Variants in DDX3X observed in about 807,000 individuals in gnomAD.
DDX3X encodes the protein ATP-dependent RNA helicase DDX3X.
Under a neutral mutation model 52.7 loss-of-function variants are expected in DDX3X, and 4 were observed. The observed-to-expected ratio is 0.08, with a 90% CI of 0.04 to 0.17. The LOEUF (loss-of-function observed/expected upper bound fraction) is 0.17. Ranked by LOEUF, DDX3X falls within the 10% of genes least tolerant of loss-of-function variation. DDX3X has a pLI of 1.00. For missense variants in DDX3X, 222 were observed against 548.6 expected (o/e 0.40, Z 5.95); for synonymous variants, 192 against 178.1 (o/e 1.08, Z -0.62).
At chrX:41,334,380 G>A in intron 1 of DDX3X, 83 bp downstream of exon 1, 1 of 1,157,870 alleles carries the variant, frequency 8.6e-7, no homozygotes, top group Non-Finnish European at 1.2e-6. Context: ...AGCGCTAACC[G>A]GCACCCTTAC....
intron 10 of DDX3X, among the ~76,000 whole-genome samples, chrX:41,344,937 A>T (rs1478332780): frequency 1.8e-5 from 2 of 111,907 alleles, no homozygotes; most frequent in Non-Finnish European, 3.8e-5. Context: ...AACAATGATC[A>T]GCTCGTGGGA....
rs777522116 is a variant in DDX3X, at chrX:41,342,787, A to G, written c.494A>G (p.Asp165Gly). 1 of 1,211,786 alleles carries G rather than the reference A, an allele frequency of 8.3e-7. No homozygotes were observed. The highest frequency in any genetic ancestry group is 2.2e-5 in the Admixed American group (1 of 46,046). The change falls in exon 6 of 17, where the codon GAC becomes GGC. Residue 165 changes from aspartate to glycine, a missense_variant. Physicochemically the swap from Asp to Gly is moderately conservative, Grantham distance 94 (BLOSUM62 -1). This residue lies in a region of DDX3X where 73 missense variants were observed against 301.4 expected (regional missense o/e 0.24). Coordinates refer to ENST00000644876, the MANE Select transcript of DDX3X (RefSeq NM_001356.5). The part of the protein sequence containing the change: ...NTGINFEKYD[D>G]IPVEATGNNC... ...GGGATTAATTTTGAGAAATACGATG[A>G]CATTCCAGTTGAGGCAACAGGCAAC... is the stretch of plus-strand genomic sequence containing the variant.
At position 41,334,869 on chromosome X, in the gene DDX3X, C is replaced by T. The variant is rs2063739116; in HGVS notation, c.45+572C>T. ...GCTGGGCGGCGCTGTGGCTCACCTCCGGGAGACGGCGGGTCTCGGGCGGGC... is the reference window on the plus strand; with the variant it reads ...GCTGGGCGGCGCTGTGGCTCACCTCTGGGAGACGGCGGGTCTCGGGCGGGC... On this transcript the variant is annotated intron_variant, in intron 1 of 16. Transcript: ENST00000644876. 11 of 550,724 alleles carry T rather than the reference C, an allele frequency of 2.0e-5. No homozygotes were observed. In the South Asian group the frequency reaches 3.8e-4, roughly 19 times the overall value. 45.4% of individuals were successfully genotyped at this position (550,724 alleles called of 1,213,427 possible). A position where few individuals can be genotyped will look rare whatever the true frequency, so the allele number is the denominator to read the frequency against.
chrX:41,359,407 C>A (rs958724881), intron 5 of DDX3X, among the ~76,000 whole-genome samples: 1 of 109,154 alleles, frequency 9.2e-6, no homozygotes, highest in Non-Finnish European at 1.9e-5. Context: ...TTGAGACCAG[C>A]CTGGCCAACA....
chrX:41,346,493 G>A lies in DDX3X; in HGVS notation c.1498-12G>A, dbSNP rs1265124574. 5 of 1,201,774 alleles carry A rather than the reference G, an allele frequency of 4.2e-6. No individual in the cohort carries two copies. In the South Asian group the frequency reaches 9.0e-5, roughly 22 times the overall value. On this transcript the variant is annotated splice_polypyrimidine_tract_variant and intron_variant, in intron 13 of 16. Transcript: ENST00000644876. ...TTTAAGTGGGCCATATCTCATAAAA[G>A]TTATTTTCCAGGTAGCAGCAAGAGG...
At chrX:41,341,386 T>C in intron 3 of DDX3X, 98 bp from the exon 4 acceptor site, 1 of 681,546 alleles carries the variant, frequency 1.5e-6, no homozygotes, top group Non-Finnish European at 2.2e-6. Flanking sequence ...GTAGGGATAG[T>C]CAGTGGAGGC....
chrX:41,363,481 T>C (rs1321770514), intron 5 of DDX3X, among the ~76,000 whole-genome samples: 1 of 107,658 alleles, frequency 9.3e-6, no homozygotes, highest in Non-Finnish European at 1.9e-5. Flanking sequence ...AATAGTTGAC[T>C]GTCACAAAAA....
chrX:41,351,858 A>G (rs771370717), downstream of DDX3X, among the ~76,000 whole-genome samples: 1 of 109,749 alleles, frequency 9.1e-6, no homozygotes, highest in East Asian at 2.8e-4. Context: ...CTTTTTTTTG[A>G]CAAAGCACTG....
downstream of DDX3X, among the ~76,000 whole-genome samples, chrX:41,353,805 T>TACACACACAC (rs751213463): frequency 7.9e-5 from 8 of 101,607 alleles, no homozygotes; most frequent in African/African-American, 2.9e-4. Context: ...TACACACGCA[T>TACACACACAC]ACACACACAC....
Position 41,348,532 on chromosome X carries a change from A to G in DDX3X, c.*813A>G, listed in dbSNP as rs1423294486. On this transcript the variant is annotated 3_prime_UTR_variant, in exon 17 of 17. Coordinates refer to ENST00000644876, the MANE Select transcript of DDX3X (RefSeq NM_001356.5). ...TAGCCAAATGTGGGCATACTATTAC[A>G]GGGAAAGTTTAAAGGTCTGATAACT... The G allele has an allele frequency of 1.8e-5, 2 of 112,690 alleles. No homozygotes were observed. Among genetic ancestry groups the G allele is most frequent in the East Asian group, 5.5e-4 (2 of 3,630 alleles). 9.3% of individuals were successfully genotyped at this position (112,690 alleles called of 1,213,427 possible).
chrX:41,337,494 A>C (rs373453343), intron 2 of DDX3X, 29 bp downstream of exon 2: 17 of 1,133,706 alleles, frequency 1.5e-5, no homozygotes, highest in Non-Finnish European at 2.0e-5. Context: ...GGGTTTATTG[A>C]ATATTAGAGC....
intron 2 of DDX3X, 39 bp downstream of exon 2, chrX:41,337,504 C>G: frequency 9.3e-7 from 1 of 1,069,596 alleles, no homozygotes; most frequent in Non-Finnish European, 1.3e-6. Flanking sequence ...AATATTAGAG[C>G]TTAACATCTT....
chrX:41,334,161 C>T (rs1047248043), upstream of DDX3X: 44 of 979,605 alleles, frequency 4.5e-5, no homozygotes, highest in Non-Finnish European at 5.3e-5. Flanking sequence ...CGGTGCGCTC[C>T]AGAGCCGCAG....
rs756197314 is a variant in DDX3X, at chrX:41,347,394, G to T, written c.1852G>T (p.Ala618Ser). 8.3e-7 allele frequency: 1 copy of T among 1,211,339 alleles called. No homozygotes were observed. Among genetic ancestry groups the T allele is most frequent in the Non-Finnish European group, 1.1e-6 (1 of 895,045 alleles). Reference protein sequence around the residue: ...ASSSSFSSSRASSSRSGGGGH... With the variant: ...ASSSSFSSSRSSSSRSGGGGH... ...CAGTTCCAGCTTCAGCAGCAGCCGC[G>T]CAAGCAGCAGCCGCAGTGGCGGAGG... Residue 618 changes from alanine to serine, a missense_variant, in exon 16 of 17, where the codon GCA becomes TCA. Transcript: ENST00000644876.
In DDX3X at chrX:41,345,506, TCAGA is replaced by T. The variant is rs1555953882; in HGVS notation, c.1276_1279del (p.Asp426AsnfsTer9). On this transcript the variant is annotated frameshift_variant, in exon 12 of 17. Coordinates refer to ENST00000644876, the MANE Select transcript of DDX3X (RefSeq NM_001356.5). LOFTEE classifies it high-confidence loss of function. Reference sequence around the variant, plus strand: ...ACAGAAAGTAGTTTGGGTGGAAGAATCAGACAAACGGTCATTTCTGCTTGACCTC... The same window carrying T: ...ACAGAAAGTAGTTTGGGTGGAAGAATCAAACGGTCATTTCTGCTTGACCTC... The T allele has an allele frequency of 8.3e-7, 1 of 1,209,234 alleles. No individual in the cohort carries two copies. Among genetic ancestry groups the T allele is most frequent in the African/African-American group, 1.7e-5 (1 of 57,628 alleles).
At chrX:41,333,652 CCCA>C (rs772266060), upstream of DDX3X, 5 of 109,967 alleles carry the variant, frequency 4.5e-5, no homozygotes, top group South Asian at 1.9e-3. Context: ...CCGGAGAAAT[CCCA>C]CCACATCTCC....
chrX:41,336,254 A>G (rs191849037), intron 1 of DDX3X: 3 of 112,115 alleles, frequency 2.7e-5, no homozygotes, highest in Admixed American at 9.5e-5. Flanking sequence ...CTTTGCATGT[A>G]TAGTTTTTTC....
chrX:41,336,840 G>T (rs1268740851), intron 1 of DDX3X: 1 of 112,875 alleles, frequency 8.9e-6, no homozygotes, highest in Non-Finnish European at 1.9e-5. Context: ...TTTTTTTGTT[G>T]TTCTTAAGAG....
At chrX:41,334,869 C>A in intron 1 of DDX3X, 1 of 550,723 alleles carries the variant, frequency 1.8e-6, no homozygotes, top group South Asian at 4.2e-5. Context: ...GGCTCACCTC[C>A]GGGAGACGGC....
Sources: allele counts gnomAD v4.1 joint callset (sites outside exome capture counted in the v4.1 genomes callset), GRCh38; gene constraint gnomAD v4.1.1; regional missense constraint gnomAD v4.1.1; transcripts MANE v1.5; gene names NCBI Gene and HGNC (gene_info 2026-07-23, HGNC 2026-07-21).